The following LRMDA variants were observed in gnomAD, a reference collection of about 807,000 sequenced individuals.
LRMDA encodes leucine-rich melanocyte differentiation-associated protein.
A neutral mutation model predicts 29.8 loss-of-function variants in LRMDA; 18 were observed. The observed-to-expected ratio is 0.60, with a 90% CI of 0.42 to 0.90. The LOEUF is 0.90. Ranked by LOEUF, LRMDA falls within the 40% of genes least tolerant of loss-of-function variation. The pLI, the probability that LRMDA is intolerant of heterozygous loss-of-function variation, is 0.00. For synonymous variants in LRMDA, 125 were observed against 109.4 expected (o/e 1.14, Z -0.89); for missense variants, 273 against 273.9 (o/e 1.00, Z 0.02).
chr10:76,152,181 C>G (rs964595474), intron 5 of LRMDA, among the ~76,000 whole-genome samples: 1 of 152,182 alleles, frequency 6.6e-6, no homozygotes, highest in African/African-American at 2.4e-5. Context: ...CCCAATCTGC[C>G]TCTTCCTTCA....
At chr10:75,826,204 G>A (rs972487921) in intron 2 of LRMDA, among the ~76,000 whole-genome samples, 12 of 152,184 alleles carry the variant, frequency 7.9e-5, no homozygotes, top group Admixed American at 1.3e-4. Context: ...CGTAGGAGAC[G>A]TTTTGGTATA....
At chr10:75,611,415 C>T (rs1301381829) in intron 2 of LRMDA, among the ~76,000 whole-genome samples, 1 of 152,216 alleles carries the variant, frequency 6.6e-6, no homozygotes, top group Admixed American at 6.5e-5. Flanking sequence ...TGTGGCATTA[C>T]CCGCATTCAC....
Position 76,176,743 on chromosome 10 carries a change from A to T in LRMDA, c.516+117960A>T, listed in dbSNP as rs558130320. ...GGGAGGCGGAGGTTGCAGTGAGCCA[A>T]GATCGTACCACTGCACTCCAGCCTG... On this transcript the variant is annotated intron_variant, in intron 5 of 6. Coordinates refer to ENST00000611255, the MANE Select transcript of LRMDA (RefSeq NM_001305581.2). 7.9e-5 allele frequency among the ~76,000 whole-genome samples: 12 copies of T among 152,356 alleles called. No individual in the cohort carries two copies. In the East Asian group the frequency reaches 2.1e-3, roughly 27 times the overall value.
intron 6 of LRMDA, among the ~76,000 whole-genome samples, chr10:76,408,134 G>T (rs1484322883): frequency 6.6e-6 from 1 of 152,122 alleles, no homozygotes; most frequent in East Asian, 1.9e-4. Flanking sequence ...CAGAACAATT[G>T]GGTTTTGATG....
chr10:75,661,534 T>C (rs1841753106), intron 2 of LRMDA, among the ~76,000 whole-genome samples: 1 of 152,174 alleles, frequency 6.6e-6, no homozygotes, highest in African/African-American at 2.4e-5. Flanking sequence ...GCTAGTTGGT[T>C]GATGAGAACC....
intron 6 of LRMDA, among the ~76,000 whole-genome samples, chr10:76,515,850 AG>A: frequency 6.6e-6 from 1 of 152,168 alleles, no homozygotes; most frequent in East Asian, 1.9e-4. Context: ...AATTATTGTT[AG>A]TGCATTTCTG....
At chr10:75,856,528 A>G (rs1014874503) in intron 2 of LRMDA, among the ~76,000 whole-genome samples, 1 of 152,254 alleles carries the variant, frequency 6.6e-6, no homozygotes, top group Non-Finnish European at 1.5e-5. Context: ...CTGGTTCAAC[A>G]TATGCAAATC....
chr10:76,354,999 A>G (rs1472568689), intron 6 of LRMDA, among the ~76,000 whole-genome samples: 1 of 152,084 alleles, frequency 6.6e-6, no homozygotes, highest in Non-Finnish European at 1.5e-5. Context: ...CTGAAACGAA[A>G]TTTTCACTGG....
intron 2 of LRMDA, among the ~76,000 whole-genome samples, chr10:75,835,958 A>G (rs1169465806): frequency 6.6e-6 from 1 of 152,206 alleles, no homozygotes; most frequent in African/African-American, 2.4e-5. Flanking sequence ...CCTTTTACAT[A>G]CAGTAGATGC....
intron 2 of LRMDA, among the ~76,000 whole-genome samples, chr10:75,792,625 C>T (rs1231319118): frequency 2.6e-5 from 4 of 152,176 alleles, no homozygotes; most frequent in Admixed American, 6.5e-5. Context: ...TGTATGCCTG[C>T]AGTGGCGAAC....
chr10:76,417,464 C>G (rs1842028165), intron 6 of LRMDA, among the ~76,000 whole-genome samples: 1 of 151,820 alleles, frequency 6.6e-6, no homozygotes, highest in Non-Finnish European at 1.5e-5. Flanking sequence ...TGAGCTGTCA[C>G]CACCCAGACA....
chr10:75,594,205 G>C (rs1840757914), intron 2 of LRMDA, among the ~76,000 whole-genome samples: 1 of 152,190 alleles, frequency 6.6e-6, no homozygotes, highest in African/African-American at 2.4e-5. Context: ...CAGCAGGGCT[G>C]CCCTGAACCA....
intron 2 of LRMDA, among the ~76,000 whole-genome samples, chr10:75,876,238 A>G (rs574990593): frequency 6.6e-6 from 1 of 152,300 alleles, no homozygotes; most frequent in South Asian, 2.1e-4. Context: ...AAGGAATTGG[A>G]ATCCTTCTTG....
intron 2 of LRMDA, among the ~76,000 whole-genome samples, chr10:75,925,025 G>A (rs1238898572): frequency 6.6e-6 from 1 of 152,126 alleles, no homozygotes; most frequent in Non-Finnish European, 1.5e-5. Context: ...TGGCTTTTCA[G>A]ATCTACAGCC....
intron 5 of LRMDA, among the ~76,000 whole-genome samples, chr10:76,244,202 GT>G: frequency 6.6e-6 from 1 of 152,210 alleles, no homozygotes; most frequent in South Asian, 2.1e-4. Context: ...TAAAAGTTGG[GT>G]TATTACACTT....
chr10:75,512,454 T>C (rs893906023), intron 2 of LRMDA, among the ~76,000 whole-genome samples: 1 of 152,120 alleles, frequency 6.6e-6, no homozygotes, highest in African/African-American at 2.4e-5. Flanking sequence ...AATTTATAAA[T>C]AAAATACACA....
intron 2 of LRMDA, among the ~76,000 whole-genome samples, chr10:76,027,941 G>A (rs1300486425): frequency 6.6e-6 from 1 of 151,872 alleles, no homozygotes; most frequent in African/African-American, 2.4e-5. Context: ...TTCAATCCTT[G>A]GGCATTTAGG....
chr10:76,521,049 ACT>A (rs567399731), intron 6 of LRMDA, among the ~76,000 whole-genome samples: 260 of 152,024 alleles, frequency 1.7e-3, no homozygotes, highest in African/African-American at 5.9e-3. Context: ...CATAGTTGTA[ACT>A]CTAGTGAACT....
chr10:75,807,818 A>G (rs1436188086), intron 2 of LRMDA, among the ~76,000 whole-genome samples: 1 of 152,344 alleles, frequency 6.6e-6, no homozygotes, highest in African/African-American at 2.4e-5. Flanking sequence ...GTGTGTAAAC[A>G]GAGGCATGTC....
Sources: allele counts gnomAD v4.1 joint callset (sites outside exome capture counted in the v4.1 genomes callset), GRCh38; gene constraint gnomAD v4.1.1; transcripts MANE v1.5; gene names NCBI Gene and HGNC (gene_info 2026-07-23, HGNC 2026-07-21).